The following CNKSR2 variants were observed in gnomAD, a reference collection of about 807,000 sequenced individuals.
CNKSR2 encodes the protein CNK homolog protein 2.
In CNKSR2, 14 loss-of-function variants were observed where a neutral mutation model predicts 84.4. The observed-to-expected ratio is 0.17, with a 90% CI of 0.11 to 0.26. The LOEUF (loss-of-function observed/expected upper bound fraction) is 0.26, where lower values mean the gene tolerates loss of function less well. Among genes scored for constraint, CNKSR2 ranks in the 10% least tolerant of loss-of-function variants. The probability of loss-of-function intolerance (pLI) is 1.00; values close to 1 mark genes in which losing one functional copy is unlikely to be tolerated. For synonymous variants in CNKSR2, 275 were observed against 277.9 expected (o/e 0.99, Z 0.10); for missense variants, 485 against 771.2 (o/e 0.63, Z 4.40).
At chrX:21,450,342 T>C (rs2090911378) in intron 4 of CNKSR2, among the ~76,000 whole-genome samples, 1 of 111,865 alleles carries the variant, frequency 8.9e-6, no homozygotes, top group African/African-American at 3.2e-5. Flanking sequence ...ATTTAGTATT[T>C]ATTAGGATTT....
At chrX:21,485,873 G>A (rs571445946) in intron 5 of CNKSR2, among the ~76,000 whole-genome samples, 1 of 111,767 alleles carries the variant, frequency 8.9e-6, no homozygotes, top group African/African-American at 3.3e-5. Context: ...AGTGGCTCAC[G>A]CCTGCAATCC....
chrX:21,419,466 T>C (rs1157495084), intron 1 of CNKSR2, among the ~76,000 whole-genome samples: 1 of 111,262 alleles, frequency 9.0e-6, no homozygotes, highest in Non-Finnish European at 1.9e-5. Flanking sequence ...TGTAGATGTT[T>C]ATCTGTTGCT....
chrX:21,402,893 A>G (rs946121806), intron 1 of CNKSR2, among the ~76,000 whole-genome samples: 3 of 111,236 alleles, frequency 2.7e-5, no homozygotes, highest in African/African-American at 9.8e-5. Flanking sequence ...CAGATATACC[A>G]GTGGAATAGA....
intron 4 of CNKSR2, among the ~76,000 whole-genome samples, chrX:21,465,184 A>T (rs1467570875): frequency 8.9e-6 from 1 of 112,188 alleles, no homozygotes; most frequent in Non-Finnish European, 1.9e-5. Flanking sequence ...ATCTTTTGTT[A>T]GAATTTATCT....
chrX:21,389,955 A>C (rs2090025891), intron 1 of CNKSR2, among the ~76,000 whole-genome samples: 1 of 112,400 alleles, frequency 8.9e-6, no homozygotes, highest in South Asian at 3.6e-4. Flanking sequence ...AAATATGTTT[A>C]AGAAAAGGAG....
rs544869561 is a variant in CNKSR2, at chrX:21,461,938, A to G, written c.520-8828A>G. On this transcript the variant is annotated intron_variant, in intron 4 of 21. Coordinates refer to ENST00000379510, the MANE Select transcript of CNKSR2 (RefSeq NM_014927.5). ...AGTACCATGCTGTTTTAAATACTCT[A>G]TCTCAGTAGTATAATTTCAAGTCAG... 5.5e-4 allele frequency among the ~76,000 whole-genome samples: 61 copies of G among 111,768 alleles called. 2 individuals are homozygous for G. The South Asian group carries it at 0.021, about 39-fold the overall frequency.
At chrX:21,537,401 A>C (rs1167210611) in intron 11 of CNKSR2, among the ~76,000 whole-genome samples, 3 of 110,996 alleles carry the variant, frequency 2.7e-5, no homozygotes, top group Non-Finnish European at 5.7e-5. Context: ...GTGCAGTTTA[A>C]GTCTGACATT....
chrX:21,496,507 A>C (rs966007824), intron 6 of CNKSR2, among the ~76,000 whole-genome samples: 11 of 111,692 alleles, frequency 9.8e-5, no homozygotes, highest in Non-Finnish European at 2.1e-4. Context: ...TTTGTTTCAT[A>C]TTAGCAATCC....
chrX:21,606,196 A>G (rs2092515581), intron 18 of CNKSR2, among the ~76,000 whole-genome samples: 1 of 111,786 alleles, frequency 8.9e-6, no homozygotes, highest in Non-Finnish European at 1.9e-5. Flanking sequence ...ATTTGGCAAG[A>G]ATCAGAATTT....
intron 20 of CNKSR2, among the ~76,000 whole-genome samples, chrX:21,633,626 C>T (rs1316730891): frequency 1.8e-5 from 2 of 111,932 alleles, no homozygotes; most frequent in African/African-American, 3.2e-5. Flanking sequence ...TCTGTAATTA[C>T]GCTGGAGAGT....
intron 1 of CNKSR2, chrX:21,421,989 C>A: frequency 1.8e-5 from 2 of 111,817 alleles, no homozygotes; most frequent in East Asian, 5.7e-4. Context: ...AAAACTTCAT[C>A]CTCAAGTTTG....
At chrX:21,548,096 G>A (rs2092046249) in intron 11 of CNKSR2, among the ~76,000 whole-genome samples, 1 of 111,629 alleles carries the variant, frequency 9.0e-6, no homozygotes, top group Admixed American at 9.5e-5. Context: ...AACTGAAGGA[G>A]AGACATGAAA....
At chrX:21,511,222 G>A (rs1232594280) in intron 8 of CNKSR2, among the ~76,000 whole-genome samples, 3 of 111,002 alleles carry the variant, frequency 2.7e-5, no homozygotes, top group Non-Finnish European at 3.8e-5. Flanking sequence ...TTTTTTCAAA[G>A]GTTCATTTAT....
chrX:21,542,369 G>A (rs764150535), intron 11 of CNKSR2, among the ~76,000 whole-genome samples: 1 of 112,069 alleles, frequency 8.9e-6, no homozygotes, highest in Non-Finnish European at 1.9e-5. Context: ...GATAATATCT[G>A]CCTTGTAGAG....
At chrX:21,471,464 A>G (rs1390845115) in intron 5 of CNKSR2, among the ~76,000 whole-genome samples, 1 of 112,213 alleles carries the variant, frequency 8.9e-6, no homozygotes, top group Non-Finnish European at 1.9e-5. Flanking sequence ...TCATTTCTGC[A>G]TCTGCCAGGT....
chrX:21,641,894 C>A (rs963811744), intron 20 of CNKSR2: 2 of 819,576 alleles, frequency 2.4e-6, no homozygotes, highest in East Asian at 1.7e-4. Context: ...CAGAAAACTG[C>A]GGTTTCTGTG....
rs190449544 is a variant in CNKSR2, at chrX:21,434,336, T to C, written c.431+1522T>C. On this transcript the variant is annotated intron_variant, in intron 3 of 21. Coordinates refer to ENST00000379510, the MANE Select transcript of CNKSR2 (RefSeq NM_014927.5). ...ATAAAATCGCACATTTCCCACACTA[T>C]AGTAGTCCTTGAGATTTTATCGTAT... Among the ~76,000 whole-genome samples the C allele has an allele frequency of 1.5e-4, 17 of 111,718 alleles. No homozygotes were observed. The East Asian group carries it at 4.7e-3, about 31-fold the overall frequency.
At chrX:21,387,412 G>A (rs896800423) in intron 1 of CNKSR2, among the ~76,000 whole-genome samples, 1 of 111,477 alleles carries the variant, frequency 9.0e-6, no homozygotes, top group South Asian at 3.8e-4. Context: ...AACCAGGAAG[G>A]TCGAGGCTGC....
chrX:21,590,590 C>T lies in CNKSR2; in HGVS notation c.1627C>T (p.Leu543=), dbSNP rs1399448741. ...TLYHTFQQSS[L]QHKSKKKNKG... ...ATTTCAGACATTTCAGCAGTCCTCA[C>T]TGCAGCACAAATCAAAGAAGAAAAA... is the stretch of plus-strand genomic sequence containing the variant. The change falls in exon 14 of 22, where the codon CTG becomes TTG. Residue 543 remains leucine (L), a synonymous_variant. Coordinates refer to ENST00000379510, the MANE Select transcript of CNKSR2 (RefSeq NM_014927.5). 1 of 1,209,209 alleles carries T rather than the reference C, an allele frequency of 8.3e-7. No individual in the cohort carries two copies. Among genetic ancestry groups the T allele is most frequent in the Non-Finnish European group, 1.1e-6 (1 of 894,048 alleles).
Sources: gnomAD v4.1 joint callset for allele counts (sites outside exome capture counted in the v4.1 genomes callset) on GRCh38, gnomAD v4.1.1 for gene constraint, MANE v1.5 for transcripts, NCBI Gene and HGNC (gene_info 2026-07-23, HGNC 2026-07-21) for gene names.